SAXO1: variants seen among roughly 807,000 people sequenced by gnomAD.
SAXO1 encodes the protein stabilizer of axonemal microtubules 1, also known as 4930500O09Rik.
A neutral mutation model predicts 17.5 loss-of-function variants in SAXO1; 21 were observed. The ratio of observed to expected loss-of-function variants is 1.20; its 90% CI spans 0.85 to 1.72. The LOEUF (loss-of-function observed/expected upper bound fraction) is 1.72. Among genes scored for constraint, SAXO1 ranks in the 40% most tolerant of loss-of-function variants. SAXO1 has a pLI of 0.00. For synonymous variants in SAXO1, 274 were observed against 216.5 expected (o/e 1.27, Z -2.33); for missense variants, 843 against 596.0 (o/e 1.41, Z -4.32).
At position 19,016,740 on chromosome 9, in the gene SAXO1, T is replaced by G. The variant is rs143120292; in HGVS notation, c.38+16131A>C. On this transcript the variant is annotated intron_variant, in intron 1 of 3. Transcript: ENST00000380534. ...GCCTTTTCATAAATGAATACAGAAATGTAAACAAAAGTTATTATTTTTCGC... is the reference window on the plus strand; with the variant it reads ...GCCTTTTCATAAATGAATACAGAAAGGTAAACAAAAGTTATTATTTTTCGC... 1.7e-4 allele frequency among the ~76,000 whole-genome samples: 26 copies of G among 151,556 alleles called. No homozygotes were observed. In the East Asian group the frequency reaches 1.7e-3, roughly 10 times the overall value.
intron 1 of SAXO1, among the ~76,000 whole-genome samples, chr9:18,985,352 T>A (rs1027844166): frequency 6.6e-5 from 10 of 152,216 alleles, no homozygotes; most frequent in Non-Finnish European, 1.3e-4. Context: ...GCGCATGGTA[T>A]TGGAAAAACA....
intron 1 of SAXO1, chr9:19,027,477 T>G: frequency 1.3e-6 from 1 of 797,728 alleles, no homozygotes. Context: ...AGGAGAAGTT[T>G]GAGAACTTGC....
intron 1 of SAXO1, among the ~76,000 whole-genome samples, chr9:18,967,545 A>G (rs1832768322): frequency 6.6e-6 from 1 of 152,150 alleles, no homozygotes; most frequent in African/African-American, 2.4e-5. Flanking sequence ...TTTACACTGT[A>G]AGGGGAAAAC....
intron 1 of SAXO1, among the ~76,000 whole-genome samples, chr9:18,987,522 C>A (rs1293700233): frequency 6.6e-6 from 1 of 152,176 alleles, no homozygotes; most frequent in Non-Finnish European, 1.5e-5. Context: ...CTCAGGTAGT[C>A]CACCCGCTCA....
intron 1 of SAXO1, among the ~76,000 whole-genome samples, chr9:19,017,198 A>G (rs911379446): frequency 2.0e-5 from 3 of 152,180 alleles, no homozygotes; most frequent in African/African-American, 7.2e-5. Context: ...AGAAAAAAAA[A>G]GATCAATTGA....
chr9:18,931,016 G>T (rs1046665059), intron 3 of SAXO1, among the ~76,000 whole-genome samples: 1 of 152,178 alleles, frequency 6.6e-6, no homozygotes, highest in African/African-American at 2.4e-5. Flanking sequence ...GGCACAATTT[G>T]TAACAGTTTT....
At chr9:18,949,034 G>A (rs1831916394) in intron 2 of SAXO1, among the ~76,000 whole-genome samples, 1 of 152,114 alleles carries the variant, frequency 6.6e-6, no homozygotes, top group African/African-American at 2.4e-5. Context: ...CAAAAGCAAT[G>A]CTCAGAAATG....
At chr9:18,959,981 T>C (rs1434140950) in intron 1 of SAXO1, among the ~76,000 whole-genome samples, 1 of 151,862 alleles carries the variant, frequency 6.6e-6, no homozygotes, top group Non-Finnish European at 1.5e-5. Context: ...AGAAGCCCTG[T>C]TGGAATGGGC....
intron 1 of SAXO1, among the ~76,000 whole-genome samples, chr9:19,046,762 A>T (rs780770020): frequency 6.6e-6 from 1 of 151,846 alleles, no homozygotes; most frequent in Non-Finnish European, 1.5e-5. Flanking sequence ...GCTACTTGGG[A>T]GGCTGGCATG....
In SAXO1 at chr9:19,004,017, C is replaced by T. The variant is rs188926095; in HGVS notation, c.38+28854G>A. Among the ~76,000 whole-genome samples the T allele has an allele frequency of 2.0e-5, 3 of 152,208 alleles. No individual in the cohort carries two copies. In the East Asian group the frequency reaches 5.8e-4, roughly 29 times the overall value. ...CTAACAAAGGACTTATATCCAGAAT[C>T]CACAAAGAACTTAAATTTACAACAA... On this transcript the variant is annotated intron_variant, in intron 1 of 3. Coordinates refer to ENST00000380534, the MANE Select transcript of SAXO1 (RefSeq NM_153707.4).
chr9:18,950,924 G>C lies in SAXO1; in HGVS notation c.52C>G (p.Pro18Ala). The change falls in exon 2 of 4, where the codon CCA (proline) becomes GCA (alanine). Residue 18 changes from proline (P) to alanine (A), a missense_variant. Physicochemically the swap from Pro to Ala is conservative, Grantham distance 27. Coordinates refer to ENST00000380534, the MANE Select transcript of SAXO1 (RefSeq NM_153707.4). ...TCATAAATCTTGGTAGGGAGATGTG[G>C]ACAGTGATGCCGCCTATAAAAGACA... ...ELCSCGRHHC[P>A]HLPTKIYDKT... 1 of 1,612,190 alleles carries C rather than the reference G, an allele frequency of 6.2e-7. No individual in the cohort carries two copies. The highest frequency in any genetic ancestry group is 1.9e-4 in the Middle Eastern group (1 of 5,138).
chr9:19,026,415 C>T (rs1835472606), intron 1 of SAXO1, among the ~76,000 whole-genome samples: 1 of 152,178 alleles, frequency 6.6e-6, no homozygotes, highest in Admixed American at 6.5e-5. Context: ...GTTTCTATTT[C>T]CTTATCTGTA....
At position 19,027,143 on chromosome 9, in the gene SAXO1, T is replaced by A. The variant is rs910125291; in HGVS notation, c.38+5728A>T. On this transcript the variant is annotated intron_variant, in intron 1 of 3. Transcript: ENST00000380534. The stretch of plus-strand genomic sequence containing the variant: ...ACATCATCGAGCTCCTGGATGTTGA[T>A]CCCAATGATCAAGAGGAGGATGGTC... 11 of 1,088,842 alleles carry A rather than the reference T, an allele frequency of 1.0e-5. No individual in the cohort carries two copies. The African/African-American group carries it at 1.5e-4, about 15-fold the overall frequency. The allele number at this position is 1,088,842 out of a possible 1,614,324, so 67.4% of individuals were successfully genotyped here. A position where few individuals can be genotyped will look rare whatever the true frequency, so the allele number is the denominator to read the frequency against.
Position 18,928,084 on chromosome 9 carries a change from G to C in SAXO1, c.1393C>G (p.Pro465Ala), listed in dbSNP as rs770405225. The change falls in exon 4 of 4, where the codon CCC becomes GCC. Residue 465 changes from proline (P) to alanine (A), a missense_variant. By Grantham distance (27) the Pro-to-Ala change is conservative. Transcript: ENST00000380534. ...AACACTTCCAACTCCCTCTGGTTGG[G>C]GTTTTCTGAATCATCTACAGAAAGA... Reference protein sequence around the residue: ...SHLSVDDSENPNQRELEVLA With the variant: ...SHLSVDDSENANQRELEVLA 6.2e-7 allele frequency: 1 copy of C among 1,609,158 alleles called. No homozygotes were observed. The highest frequency in any genetic ancestry group is 1.7e-5 in the Admixed American group (1 of 59,814).
At position 18,997,645 on chromosome 9, in the gene SAXO1, G is replaced by A. The variant is rs148468055; in HGVS notation, c.38+35226C>T. Among the ~76,000 whole-genome samples the A allele has an allele frequency of 3.5e-3, 529 of 152,322 alleles. 8 individuals carry two copies. In the South Asian group the frequency reaches 0.045, roughly 13 times the overall value. ...AGCATGGCATTCAAGCTCTGATAAC[G>A]GACAGACTGCTTCCTTAAGTGGGTC... On this transcript the variant is annotated intron_variant, in intron 1 of 3. Coordinates refer to ENST00000380534, the MANE Select transcript of SAXO1 (RefSeq NM_153707.4).
At chr9:18,952,559 A>T (rs1832076320) in intron 1 of SAXO1, among the ~76,000 whole-genome samples, 2 of 152,258 alleles carry the variant, frequency 1.3e-5, no homozygotes, top group Admixed American at 6.5e-5. Context: ...CTAGAATTGC[A>T]TATTAACAAG....
chr9:18,931,821 T>C (rs148477062), intron 3 of SAXO1, among the ~76,000 whole-genome samples: 238 of 152,372 alleles, frequency 1.6e-3, no homozygotes, highest in African/African-American at 5.3e-3. Context: ...TGTGCTTTCA[T>C]TGGTAAAATA....
Position 19,024,131 on chromosome 9 carries a change from T to TTC in SAXO1, c.38+8739_38+8740insGA, listed in dbSNP as rs770975441. On this transcript the variant is annotated intron_variant, in intron 1 of 3. Transcript: ENST00000380534. The stretch of plus-strand genomic sequence containing the variant: ...TGGCGAGTTCACATTCTGAGACATG[T>TTC]AAGAGTCCCTCTGCAATTTGCCTCC... 1.6e-4 allele frequency among the ~76,000 whole-genome samples: 24 copies of TTC among 146,670 alleles called. 2 individuals carry two copies. In the East Asian group the frequency reaches 4.3e-3, roughly 26 times the overall value.
At chr9:18,952,674 G>C (rs1023950096) in intron 1 of SAXO1, among the ~76,000 whole-genome samples, 19 of 152,114 alleles carry the variant, frequency 1.2e-4, no homozygotes, top group African/African-American at 4.1e-4. Flanking sequence ...TATTATAAAA[G>C]CAGTATTGAT....
Sources: allele counts gnomAD v4.1 joint callset (sites outside exome capture counted in the v4.1 genomes callset), GRCh38; gene constraint gnomAD v4.1.1; transcripts MANE v1.5; gene names NCBI Gene and HGNC (gene_info 2026-07-23, HGNC 2026-07-21).